Variants in GFRA2 observed in about 807,000 individuals in gnomAD.
GFRA2 encodes the protein GDNF family receptor alpha 2, also known as GDNF family receptor alpha-2.
GFRA2 carries 17 observed loss-of-function variants against 48.3 expected under a neutral mutation model. The observed-to-expected ratio is 0.35, with a 90% confidence interval of 0.24 to 0.53. The LOEUF is 0.53. Among genes scored for constraint, GFRA2 ranks in the 20% least tolerant of loss-of-function variants. GFRA2 has a pLI of 0.93. For missense variants in GFRA2, 660 were observed against 637.3 expected, an observed-to-expected ratio of 1.04 and a Z score of -0.38; for synonymous variants, 305 against 257.2, an observed-to-expected ratio of 1.19 and a Z score of -1.78.
intron 4 of GFRA2, among the ~76,000 whole-genome samples, chr8:21,713,043 GAGGGAGAGGGAGACGAGGGAA>G (rs1563222255): frequency 1.4e-5 from 2 of 141,544 alleles, no homozygotes; most frequent in Admixed American, 6.8e-5. Context: ...AGACGAGGGA[GAGGGAGAGGGAGACGAGGGAA>G]AGGGAGAGGG....
At chr8:21,717,962 T>C (rs992225832) in intron 4 of GFRA2, among the ~76,000 whole-genome samples, 6 of 152,214 alleles carry the variant, frequency 3.9e-5, no homozygotes, top group South Asian at 2.1e-4. Flanking sequence ...TAAAGTCACA[T>C]TGACTGTGTT....
At chr8:21,749,998 G>C (rs1428463175) in intron 4 of GFRA2, among the ~76,000 whole-genome samples, 1 of 151,942 alleles carries the variant, frequency 6.6e-6, no homozygotes, top group Admixed American at 6.6e-5. Context: ...AGGTAGTTTT[G>C]GGGGGTATGC....
chr8:21,699,989 G>A (rs1016294900), intron 7 of GFRA2, among the ~76,000 whole-genome samples: 1 of 152,230 alleles, frequency 6.6e-6, no homozygotes. Context: ...ACGCAAAGCA[G>A]GAGCCCAGAG....
rs972220190 is a variant in GFRA2 at position 21,750,438 on chromosome 8, T to C, written c.794+150A>G. 2.0e-5 allele frequency: 12 copies of C among 596,134 alleles called. No individual in the cohort carries two copies. The highest frequency in any genetic ancestry group is 3.6e-5 in the Non-Finnish European group (12 of 334,530). The allele number at this position is 596,134 out of a possible 1,614,324, so 36.9% of individuals were successfully genotyped here. On this transcript the variant is annotated intron_variant, in intron 4 of 8. Transcript: ENST00000524240. The surrounding 1 kb of genome is among the most constrained non-coding windows in gnomAD (Gnocchi z 5.7). ...TGAAATGGAAAATTCATTTTGCACA[T>C]GTCCAAGTCAGTTTTACCCTTTTTG...
chr8:21,788,478 CG>C lies in GFRA2; in HGVS notation c.-320del. On this transcript the variant is annotated 5_prime_UTR_variant, in exon 1 of 9. Coordinates refer to ENST00000524240, the MANE Select transcript of GFRA2 (RefSeq NM_001495.5). ...GGGTCAGCCCTCCCCTCCAATCGTC[CG>C]GGAAGGCGTGAGTCCCCGCGGGTCC... The C allele has an allele frequency of 9.1e-7, 1 of 1,096,772 alleles. No individual in the cohort carries two copies. Among genetic ancestry groups the C allele is most frequent in the Non-Finnish European group, 1.1e-6 (1 of 902,944 alleles). The allele number at this position is 1,096,772 out of a possible 1,614,324, so 67.9% of individuals were successfully genotyped here.
intron 1 of GFRA2, among the ~76,000 whole-genome samples, chr8:21,808,172 G>A (rs1807907727): frequency 6.6e-6 from 1 of 152,108 alleles, no homozygotes. Flanking sequence ...ATTTTCTCTG[G>A]GGGAAGGGCT....
intron 2 of GFRA2, among the ~76,000 whole-genome samples, chr8:21,794,196 T>G (rs1372134527): frequency 6.6e-6 from 1 of 151,714 alleles, no homozygotes; most frequent in Non-Finnish European, 1.5e-5. Context: ...TTGTTTTATT[T>G]TTTATTCTAA....
intron 7 of GFRA2, among the ~76,000 whole-genome samples, chr8:21,702,327 G>C (rs1802521446): frequency 6.6e-6 from 1 of 152,212 alleles, no homozygotes; most frequent in Non-Finnish European, 1.5e-5. Flanking sequence ...GAAGCAGAAA[G>C]AGAAGGGGAG....
chr8:21,785,275 C>T (rs1807215386), intron 1 of GFRA2, among the ~76,000 whole-genome samples: 1 of 152,184 alleles, frequency 6.6e-6, no homozygotes, highest in Non-Finnish European at 1.5e-5. Flanking sequence ...CGTGCCAGAA[C>T]TGAGGGCTTC....
At chr8:21,747,388 C>T (rs985139889) in intron 4 of GFRA2, among the ~76,000 whole-genome samples, 2 of 152,194 alleles carry the variant, frequency 1.3e-5, no homozygotes, top group African/African-American at 4.8e-5. Context: ...CTCTCTAAGG[C>T]TGGCCTTCCT....
At chr8:21,746,077 C>A (rs1362051125) in intron 4 of GFRA2, among the ~76,000 whole-genome samples, 1 of 152,122 alleles carries the variant, frequency 6.6e-6, no homozygotes, top group South Asian at 2.1e-4. Flanking sequence ...CTCATTTGAT[C>A]GATGAAGAGC....
chr8:21,804,217 C>A (rs1336135049), intron 2 of GFRA2, among the ~76,000 whole-genome samples: 2 of 151,876 alleles, frequency 1.3e-5, no homozygotes, highest in African/African-American at 4.8e-5. Flanking sequence ...CACACACACA[C>A]ACACACACAC....
At chr8:21,729,192 G>C (rs1158195171) in intron 4 of GFRA2, among the ~76,000 whole-genome samples, 1 of 152,202 alleles carries the variant, frequency 6.6e-6, no homozygotes, top group African/African-American at 2.4e-5. Flanking sequence ...GGAGCCAGGT[G>C]TGTTGGGTCA....
At chr8:21,757,228 G>C (rs4076842) in intron 3 of GFRA2, among the ~76,000 whole-genome samples, 82,774 of 151,902 alleles carry the variant, frequency 0.54, 25,565 homozygotes, top group African/African-American at 0.86. Context: ...CTGCCCTGCC[G>C]CAGCCACACC....
chr8:21,693,043 T>C lies in GFRA2; in HGVS notation c.*235A>G, dbSNP rs1801947721. ...CCTCGTGCCCTCCCCGGCACCAGAG[T>C]TTCCCCTGCCAGGGGACCCCTGGGC... is the stretch of plus-strand genomic sequence containing the variant. On this transcript the variant is annotated 3_prime_UTR_variant, in exon 9 of 9. Coordinates refer to ENST00000524240, the MANE Select transcript of GFRA2 (RefSeq NM_001495.5). 2.9e-6 allele frequency: 1 copy of C among 348,832 alleles called. No homozygotes were observed. Among genetic ancestry groups the C allele is most frequent in the Non-Finnish European group, 5.3e-6 (1 of 189,884 alleles). 21.6% of individuals were successfully genotyped at this position (348,832 alleles called of 1,614,324 possible).
intron 3 of GFRA2, among the ~76,000 whole-genome samples, chr8:21,757,961 T>C (rs1805660435): frequency 6.6e-6 from 1 of 152,218 alleles, no homozygotes; most frequent in Non-Finnish European, 1.5e-5. Context: ...AAATACATAT[T>C]CGTCGGCCCC....
At chr8:21,721,332 C>G (rs928556974) in intron 4 of GFRA2, among the ~76,000 whole-genome samples, 2 of 152,170 alleles carry the variant, frequency 1.3e-5, no homozygotes, top group Admixed American at 1.3e-4. Context: ...CTGATAACAG[C>G]CATTCACTAA....
At chr8:21,735,712 G>C (rs1408446655) in intron 4 of GFRA2, among the ~76,000 whole-genome samples, 1 of 152,116 alleles carries the variant, frequency 6.6e-6, no homozygotes, top group African/African-American at 2.4e-5. Context: ...ACCTAGGCTG[G>C]AGTGTCATGG....
At chr8:21,717,021 T>C (rs1803370241) in intron 4 of GFRA2, among the ~76,000 whole-genome samples, 1 of 152,256 alleles carries the variant, frequency 6.6e-6, no homozygotes, top group African/African-American at 2.4e-5. Flanking sequence ...TACTGCTATT[T>C]TTCCAGCCAG....
Sources: gnomAD v4.1 joint callset for allele counts (sites outside exome capture counted in the v4.1 genomes callset) on GRCh38, gnomAD v4.1.1 for gene constraint, Gnocchi (gnomAD v3.1) non-coding constraint, MANE v1.5 for transcripts, NCBI Gene and HGNC (gene_info 2026-07-23, HGNC 2026-07-21) for gene names.